The following ZNF423 variants were observed in gnomAD, a reference collection of about 807,000 sequenced individuals.
ZNF423 encodes Ebf-associated zinc finger protein.
In ZNF423, 12 loss-of-function variants were observed where a neutral mutation model predicts 95.8. That is an observed-to-expected ratio of 0.13 (90% CI 0.08 to 0.20). ZNF423 has a LOEUF of 0.20. ZNF423 is among the 10% of genes least tolerant of loss of function. The probability of loss-of-function intolerance (pLI) is 1.00; values close to 1 mark genes in which losing one functional copy is unlikely to be tolerated. For missense variants in ZNF423, 1,316 were observed against 1,737.1 expected, an observed-to-expected ratio of 0.76 and a Z score of 4.31; for synonymous variants, 749 against 711.9, an observed-to-expected ratio of 1.05 and a Z score of -0.83.
rs1278703316 is a variant in ZNF423, at chr16:49,490,540, C to G, written c.*735G>C. 1 of 152,548 alleles carries G rather than the reference C, an allele frequency of 6.6e-6. No individual in the cohort carries two copies. The allele number at this position is 152,548 out of a possible 1,614,324, so 9.4% of individuals were successfully genotyped here. A position where few individuals can be genotyped will look rare whatever the true frequency, so the allele number is the denominator to read the frequency against. ...CACAGGAACTTGTAGGGGAACACACCTTACAGGAGCTGACAGCCCCCCACG... is the reference window on the plus strand; with the variant it reads ...CACAGGAACTTGTAGGGGAACACACGTTACAGGAGCTGACAGCCCCCCACG... On this transcript the variant is annotated 3_prime_UTR_variant, in exon 8 of 8. Transcript: ENST00000563137.
chr16:49,848,786 G>A (rs2035272026), intron 1 of ZNF423, among the ~76,000 whole-genome samples: 1 of 152,188 alleles, frequency 6.6e-6, no homozygotes, highest in Admixed American at 6.5e-5. Context: ...CACAATTAGT[G>A]TCTCGGACGG....
intron 3 of ZNF423, among the ~76,000 whole-genome samples, chr16:49,696,320 T>C (rs1012778196): frequency 6.6e-6 from 1 of 152,176 alleles, no homozygotes; most frequent in African/African-American, 2.4e-5. Flanking sequence ...TGGGGTATTA[T>C]TATTGCTGTT....
Position 49,636,000 on chromosome 16 carries a change from G to T in ZNF423, c.3176C>A (p.Ala1059Glu). 1.2e-6 allele frequency: 2 copies of T among 1,605,226 alleles called. No individual in the cohort carries two copies. The highest frequency in any genetic ancestry group is 1.7e-6 in the Non-Finnish European group (2 of 1,174,202). Residue 1059 changes from alanine to glutamate, a missense_variant, in exon 4 of 8, where the codon GCG (alanine) becomes GAG (glutamate). Ala to Glu is a moderately radical substitution (Grantham distance 107). Transcript: ENST00000563137. The surrounding 1 kb of genome is among the most constrained non-coding windows in gnomAD (Gnocchi z 4.8). ...CCCCTGGCCATTGGGGGAGGACGCCGCTGAGCTGCCCGCCAGCTTCTGCAT... is the reference window on the plus strand; with the variant it reads ...CCCCTGGCCATTGGGGGAGGACGCCTCTGAGCTGCCCGCCAGCTTCTGCAT... ...FHMQKLAGSS[A>E]ASSPNGQGLQ... is the part of the protein sequence containing the mutation.
At chr16:49,666,131 C>A (rs567018208) in intron 3 of ZNF423, among the ~76,000 whole-genome samples, 1 of 152,192 alleles carries the variant, frequency 6.6e-6, no homozygotes, top group Non-Finnish European at 1.5e-5. Flanking sequence ...CCCCCCAGAT[C>A]CTGGCTGGCC....
intron 5 of ZNF423, among the ~76,000 whole-genome samples, chr16:49,622,804 C>G (rs1262222004): frequency 6.6e-6 from 1 of 152,236 alleles, no homozygotes; most frequent in African/African-American, 2.4e-5. Context: ...AGATGGGGAA[C>G]TAGTGCCCAT....
At chr16:49,755,023 C>A (rs565039921) in intron 2 of ZNF423, among the ~76,000 whole-genome samples, 1 of 152,336 alleles carries the variant, frequency 6.6e-6, no homozygotes, top group South Asian at 2.1e-4. Flanking sequence ...GGCTATCTTC[C>A]GCGGTGGCAG....
intron 5 of ZNF423, among the ~76,000 whole-genome samples, chr16:49,525,790 CAAGACTGG>C (rs1968580486): frequency 6.6e-6 from 1 of 152,152 alleles, no homozygotes; most frequent in Admixed American, 6.5e-5. Context: ...GCTTGAGTCC[CAAGACTGG>C]GTCACTGTGC....
chr16:49,518,271 T>C (rs1968237646), intron 7 of ZNF423: 1 of 388,434 alleles, frequency 2.6e-6, no homozygotes, highest in Non-Finnish European at 5.0e-6. Flanking sequence ...CAAACATACA[T>C]GACCCCCAAG....
intron 7 of ZNF423, among the ~76,000 whole-genome samples, chr16:49,501,923 A>G (rs1419107417): frequency 4.6e-5 from 7 of 152,156 alleles, no homozygotes; most frequent in Admixed American, 4.6e-4. Context: ...ACAACCTATG[A>G]GGTACTATGT....
At chr16:49,699,200 C>A (rs1372218673) in intron 3 of ZNF423, among the ~76,000 whole-genome samples, 1 of 152,168 alleles carries the variant, frequency 6.6e-6, no homozygotes, top group African/African-American at 2.4e-5. Flanking sequence ...GCACTGACGT[C>A]AGGGGGTAAT....
intron 7 of ZNF423, among the ~76,000 whole-genome samples, chr16:49,496,783 G>T (rs553582520): frequency 9.2e-5 from 14 of 152,318 alleles, no homozygotes; most frequent in African/African-American, 2.2e-4. Flanking sequence ...GTGCTCTGTG[G>T]CATGAGGACT....
intron 7 of ZNF423, among the ~76,000 whole-genome samples, chr16:49,513,758 T>C (rs1968002427): frequency 6.6e-6 from 1 of 151,870 alleles, no homozygotes; most frequent in Non-Finnish European, 1.5e-5. Context: ...TGACTTACAA[T>C]CCATATGGCC....
At chr16:49,811,636 C>T (rs1195967889) in intron 1 of ZNF423, among the ~76,000 whole-genome samples, 1 of 152,170 alleles carries the variant, frequency 6.6e-6, no homozygotes, top group African/African-American at 2.4e-5. Flanking sequence ...AACGAGGCTA[C>T]TGAAAGAAAA....
At chr16:49,686,561 T>C (rs2031572462) in intron 3 of ZNF423, among the ~76,000 whole-genome samples, 1 of 152,034 alleles carries the variant, frequency 6.6e-6, no homozygotes, top group Non-Finnish European at 1.5e-5. Flanking sequence ...CCCCTGTCAG[T>C]GCCCTCCCAG....
intron 3 of ZNF423, among the ~76,000 whole-genome samples, chr16:49,713,846 A>G (rs998334973): frequency 6.6e-6 from 1 of 152,226 alleles, no homozygotes; most frequent in South Asian, 2.1e-4. Flanking sequence ...ACGCAGGCCC[A>G]GAGAATGTGG....
chr16:49,510,829 G>A (rs890083119), intron 7 of ZNF423, among the ~76,000 whole-genome samples: 2 of 152,226 alleles, frequency 1.3e-5, no homozygotes, highest in Admixed American at 6.5e-5. Context: ...CTGAGGCAGC[G>A]CCGGGGAGGG....
In ZNF423 at chr16:49,670,426, C is replaced by T. The variant is rs555295676; in HGVS notation, c.302-31552G>A. On this transcript the variant is annotated intron_variant, in intron 3 of 7. Coordinates refer to ENST00000563137, the MANE Select transcript of ZNF423 (RefSeq NM_001379286.1). ...GGCTGGTCCCAAGGCCTCAGACCCCCTCATGGCTGTGGCCCTGTAAGGATG... is the reference window on the plus strand; with the variant it reads ...GGCTGGTCCCAAGGCCTCAGACCCCTTCATGGCTGTGGCCCTGTAAGGATG... Among the ~76,000 whole-genome samples the T allele has an allele frequency of 1.9e-4, 29 of 152,376 alleles. 1 individual carries two copies. The highest frequency in any genetic ancestry group is 3.4e-3 in the Middle Eastern group (1 of 294).
At chr16:49,756,430 G>C (rs2033727526) in intron 2 of ZNF423, among the ~76,000 whole-genome samples, 1 of 152,140 alleles carries the variant, frequency 6.6e-6, no homozygotes. Flanking sequence ...TGAACATCAA[G>C]CGCTTGGAAA....
intron 7 of ZNF423, among the ~76,000 whole-genome samples, chr16:49,504,563 C>T (rs1215370445): frequency 6.6e-6 from 1 of 152,170 alleles, no homozygotes; most frequent in African/African-American, 2.4e-5. Flanking sequence ...GCCTGGGTGA[C>T]AAAATGAGAC....
Sources: gnomAD v4.1 joint callset for allele counts (sites outside exome capture counted in the v4.1 genomes callset) on GRCh38, gnomAD v4.1.1 for gene constraint, Gnocchi (gnomAD v3.1) non-coding constraint, MANE v1.5 for transcripts, NCBI Gene and HGNC (gene_info 2026-07-23, HGNC 2026-07-21) for gene names.